Variants in RPS6KA6 observed in about 807,000 individuals in gnomAD.
The protein encoded by RPS6KA6 is ribosomal protein S6 kinase alpha-6.
A neutral mutation model predicts 65.4 loss-of-function variants in RPS6KA6; 27 were observed. The observed-to-expected ratio is 0.41, with a 90% CI of 0.30 to 0.57. RPS6KA6 has a LOEUF of 0.57. Ranked by LOEUF, RPS6KA6 falls within the 20% of genes least tolerant of loss-of-function variation. The pLI is 0.24. For synonymous variants in RPS6KA6, 190 were observed against 184.2 expected, an observed-to-expected ratio of 1.03 and a Z score of -0.26; for missense variants, 486 against 555.6, an observed-to-expected ratio of 0.87 and a Z score of 1.26.
At chrX:84,083,736 C>T (rs2033856083) in intron 20 of RPS6KA6, among the ~76,000 whole-genome samples, 1 of 112,083 alleles carries the variant, frequency 8.9e-6, no homozygotes, top group Admixed American at 9.5e-5. Flanking sequence ...GGTATATACC[C>T]AGTAATGGGA....
At chrX:84,120,067 T>C in intron 8 of RPS6KA6, 40 bp from the exon 9 acceptor site, 1 of 1,025,338 alleles carries the variant, frequency 9.8e-7, no homozygotes, top group Non-Finnish European at 1.3e-6. Flanking sequence ...TCTGAAAAAC[T>C]TCAGAAAATA....
At chrX:84,076,355 C>A (rs1477928857) in intron 20 of RPS6KA6, among the ~76,000 whole-genome samples, 1 of 111,449 alleles carries the variant, frequency 9.0e-6, no homozygotes, top group East Asian at 2.8e-4. Flanking sequence ...AAGATACTTA[C>A]AATAAAATAG....
chrX:84,186,359 T>G (rs1436930470), intron 1 of RPS6KA6, among the ~76,000 whole-genome samples: 2 of 112,404 alleles, frequency 1.8e-5, no homozygotes, highest in Non-Finnish European at 3.8e-5. Context: ...TACATGAATA[T>G]AACAAAGTTC....
At chrX:84,163,028 T>C (rs1240371848) in intron 2 of RPS6KA6, among the ~76,000 whole-genome samples, 2 of 112,049 alleles carry the variant, frequency 1.8e-5, no homozygotes, top group Non-Finnish European at 3.8e-5. Flanking sequence ...AAGGAGAGTT[T>C]TGGACAAACC....
intron 20 of RPS6KA6, among the ~76,000 whole-genome samples, chrX:84,080,864 C>T (rs181993235): frequency 1.8e-3 from 198 of 111,514 alleles, no homozygotes; most frequent in Non-Finnish European, 3.2e-3. Context: ...GAAAAACGTG[C>T]TCCCGAATGG....
intron 3 of RPS6KA6, among the ~76,000 whole-genome samples, chrX:84,153,903 T>C (rs1345528086): frequency 1.8e-5 from 2 of 112,011 alleles, no homozygotes; most frequent in East Asian, 5.6e-4. Context: ...AAGGTTTCAA[T>C]GATATTCTTC....
chrX:84,184,829 CAAAAAA>C (rs11445430), intron 1 of RPS6KA6, among the ~76,000 whole-genome samples: 2 of 20,058 alleles, frequency 1.0e-4, no homozygotes, highest in African/African-American at 1.9e-4. Context: ...GACCCTGACT[CAAAAAA>C]AAAAAAAAAA....
At chrX:84,140,758 C>CATATATATATATATATATATATAT (rs1191737057) in intron 6 of RPS6KA6, among the ~76,000 whole-genome samples, 168 of 79,266 alleles carry the variant, frequency 2.1e-3, no homozygotes, top group East Asian at 6.4e-3. Flanking sequence ...AAAAAACATA[C>CATATATATATATATATATATATAT]ATATATATAT....
rs894907218 is a variant in RPS6KA6, at chrX:84,064,125, T to C, written c.*152A>G. The C allele has an allele frequency of 4.8e-6, 3 of 622,790 alleles. No individual in the cohort carries two copies. The highest frequency in any genetic ancestry group is 4.7e-6 in the Non-Finnish European group (2 of 423,790). The allele number at this position is 622,790 out of a possible 1,213,427, so 51.3% of individuals were successfully genotyped here. ...ATGAATATTGTGGACCTGTGAATGG[T>C]TTTTTAAATCTCACTTCCCCTAAAA... On this transcript the variant is annotated 3_prime_UTR_variant, in exon 22 of 22. Coordinates refer to ENST00000262752, the MANE Select transcript of RPS6KA6 (RefSeq NM_014496.5).
Position 84,097,805 on chromosome X carries a change from C to T in RPS6KA6, c.1820G>A (p.Ser607Asn). 1 of 1,199,933 alleles carries T rather than the reference C, an allele frequency of 8.3e-7. No individual in the cohort carries two copies. Among genetic ancestry groups the T allele is most frequent in the Non-Finnish European group, 1.1e-6 (1 of 886,767 alleles). ...QGYDAACDIW[S>N]LGVLFYTMLA... Reference sequence around the variant, plus strand: ...CATTGTGTAAAAAAGGACTCCTAAACTCCAGATATCACAAGCAGCATCATA... The same window carrying T: ...CATTGTGTAAAAAAGGACTCCTAAATTCCAGATATCACAAGCAGCATCATA... Residue 607 changes from serine (S) to asparagine (N), a missense_variant, in exon 19 of 22, where the codon AGT becomes AAT. Coordinates refer to ENST00000262752, the MANE Select transcript of RPS6KA6 (RefSeq NM_014496.5).
intron 3 of RPS6KA6, among the ~76,000 whole-genome samples, chrX:84,152,602 T>C (rs778750167): frequency 9.0e-6 from 1 of 111,691 alleles, no homozygotes; most frequent in Non-Finnish European, 1.9e-5. Context: ...ATATATGTAC[T>C]CATTAGTTAT....
At chrX:84,134,370 ATGATTC>A (rs2034956274) in intron 8 of RPS6KA6, among the ~76,000 whole-genome samples, 1 of 111,455 alleles carries the variant, frequency 9.0e-6, no homozygotes, top group Non-Finnish European at 1.9e-5. Context: ...TGACTACTGT[ATGATTC>A]TATTTCTATA....
intron 1 of RPS6KA6, among the ~76,000 whole-genome samples, chrX:84,171,511 T>C (rs1482027014): frequency 1.8e-5 from 2 of 111,810 alleles, no homozygotes; most frequent in African/African-American, 6.5e-5. Flanking sequence ...GTAAACTATA[T>C]ACTAGTAAGT....
chrX:84,175,030 G>C (rs1002255368), intron 1 of RPS6KA6, among the ~76,000 whole-genome samples: 1 of 111,600 alleles, frequency 9.0e-6, no homozygotes, highest in Non-Finnish European at 1.9e-5. Flanking sequence ...ATTTCATGAC[G>C]AAGTTACAGT....
intron 1 of RPS6KA6, among the ~76,000 whole-genome samples, chrX:84,174,149 T>TAA (rs1050077641): frequency 1.8e-5 from 2 of 112,056 alleles, no homozygotes; most frequent in African/African-American, 3.2e-5. Flanking sequence ...TACTACCAAA[T>TAA]ATTTTCAAAG....
chrX:84,146,041 T>C (rs146001079), intron 5 of RPS6KA6, among the ~76,000 whole-genome samples: 292 of 111,586 alleles, frequency 2.6e-3, no homozygotes, highest in Non-Finnish European at 4.6e-3. Context: ...TTTTGATTTA[T>C]GCAATTAATT....
intron 20 of RPS6KA6, among the ~76,000 whole-genome samples, chrX:84,070,178 G>A (rs920468389): frequency 8.9e-6 from 1 of 112,166 alleles, no homozygotes; most frequent in Admixed American, 9.5e-5. Context: ...ATCGATGACA[G>A]ACTGGATGAA....
intron 1 of RPS6KA6, chrX:84,186,292 T>C: frequency 2.8e-6 from 1 of 363,428 alleles, no homozygotes; most frequent in African/African-American, 2.6e-5. Context: ...CCCATCCTTA[T>C]ATCAAAGCAT....
chrX:84,135,202 A>C lies in RPS6KA6; in HGVS notation c.510T>G (p.Phe170Leu), dbSNP rs770657822. The C allele has an allele frequency of 2.4e-5, 28 of 1,163,062 alleles. No individual in the cohort carries two copies. Among genetic ancestry groups the C allele is most frequent in the Non-Finnish European group, 3.3e-5 (28 of 855,226 alleles). The change falls in exon 7 of 22, where the codon TTT becomes TTG. Residue 170 changes from phenylalanine to leucine, a missense_variant. Coordinates refer to ENST00000262752, the MANE Select transcript of RPS6KA6 (RefSeq NM_014496.5). ...VFTRLSKEVLFTEEDVKFYLA... is the reference protein window; with the variant it reads ...VFTRLSKEVLLTEEDVKFYLA... The stretch of plus-strand genomic sequence containing the variant: ...GGTAGAATTTCACATCTTCCTCTGT[A>C]AACAGAACCTAGAACAAAATAATGA...
Sources: gnomAD v4.1 joint callset for allele counts (sites outside exome capture counted in the v4.1 genomes callset) on GRCh38, gnomAD v4.1.1 for gene constraint, MANE v1.5 for transcripts, NCBI Gene and HGNC (gene_info 2026-07-23, HGNC 2026-07-21) for gene names.